NDUFS2: variants seen among roughly 807,000 people sequenced by gnomAD.
The protein encoded by NDUFS2 is NADH dehydrogenase [ubiquinone] iron-sulfur protein 2, mitochondrial.
A neutral mutation model predicts 69.6 loss-of-function variants in NDUFS2; 38 were observed. The ratio of observed to expected loss-of-function variants is 0.55; its 90% CI spans 0.42 to 0.72. NDUFS2 has a LOEUF of 0.72. Among genes scored for constraint, NDUFS2 ranks in the 30% least tolerant of loss-of-function variants. NDUFS2 has a pLI of 0.00. For missense variants in NDUFS2, 468 were observed against 595.0 expected, an observed-to-expected ratio of 0.79 and a Z score of 2.22; for synonymous variants, 194 against 211.2, an observed-to-expected ratio of 0.92 and a Z score of 0.70.
Position 161,203,472 on chromosome 1 carries a change from C to T in NDUFS2, c.131C>T (p.Ala44Val). The T allele has an allele frequency of 6.2e-7, 1 of 1,614,114 alleles. No individual in the cohort carries two copies. The highest frequency in any genetic ancestry group is 8.5e-7 in the Non-Finnish European group (1 of 1,180,018). ...CAGTGGCAGCCAGATGTGGAATGGG[C>T]ACAGCAGTTTGGGGGAGCTGTTATG... ...VRQWQPDVEW[A>V]QQFGGAVMYP... Residue 44 changes from alanine to valine, a missense_variant, in exon 2 of 14, where the codon GCA (alanine) becomes GTA (valine). Coordinates refer to ENST00000676972, the MANE Select transcript of NDUFS2 (RefSeq NM_001377299.1).
chr1:161,199,712 A>T (rs2102022528), upstream of NDUFS2, among the ~76,000 whole-genome samples: 1 of 152,220 alleles, frequency 6.6e-6, no homozygotes, highest in Admixed American at 6.5e-5. Flanking sequence ...GCGGCAGATG[A>T]CAAGGCAGGA....
In NDUFS2 at chr1:161,214,174, T is replaced by A. The variant is rs921322797; in HGVS notation, c.1373T>A (p.Phe458Tyr). 1 of 1,613,912 alleles carries A rather than the reference T, an allele frequency of 6.2e-7. No homozygotes were observed. The highest frequency in any genetic ancestry group is 1.7e-5 in the Admixed American group (1 of 60,008). Residue 458 changes from phenylalanine (F) to tyrosine (Y), a missense_variant, in exon 14 of 14, where the codon TTT (phenylalanine) becomes TAT (tyrosine). Phe to Tyr is a conservative substitution (Grantham distance 22). Around this residue, in one of 3 missense-constraint regions of NDUFS2, gnomAD observed 72 missense variants for 118.9 expected, o/e 0.61. Transcript: ENST00000676972. ...CACCTAGGTACCCAAGATATTGTAT[T>A]TGGAGAAGTAGATCGGTGAGCAGGG... ...VAIIGTQDIV[F>Y]GEVDR
chr1:161,198,953 T>C, upstream of NDUFS2: 1 of 297,822 alleles, frequency 3.4e-6, no homozygotes, highest in Non-Finnish European at 6.2e-6. The surrounding 1 kb of genome is among the most constrained non-coding windows in gnomAD (Gnocchi z 4.7). Flanking sequence ...CTTCTGTGCC[T>C]GCCCTGTCTC....
At chr1:161,214,042 C>T (rs969243938) in intron 13 of NDUFS2, 114 bp from the exon 14 acceptor site, 12 of 1,613,330 alleles carry the variant, frequency 7.4e-6, no homozygotes, top group Non-Finnish European at 1.0e-5. Flanking sequence ...GGTCCTCAAT[C>T]TTTTGAGCAC....
At chr1:161,198,886 G>C (rs1349677992), upstream of NDUFS2, 1 of 435,760 alleles carries the variant, frequency 2.3e-6, no homozygotes, top group Non-Finnish European at 4.1e-6. The surrounding 1 kb of genome is among the most constrained non-coding windows in gnomAD (Gnocchi z 4.7). Flanking sequence ...GTCTCTCCCT[G>C]CCTGTGTCTT....
intron 10 of NDUFS2, chr1:161,212,745 G>A: frequency 2.7e-6 from 1 of 377,048 alleles, no homozygotes; most frequent in Non-Finnish European, 5.1e-6. Context: ...ATTCAGTAGA[G>A]ACAGGGTTTC....
intron 1 of NDUFS2, 61 bp from the exon 2 acceptor site, chr1:161,203,376 G>T: frequency 7.0e-7 from 1 of 1,428,284 alleles, no homozygotes; most frequent in Non-Finnish European, 9.9e-7. Context: ...AGAGTGAATG[G>T]GAACACAGGA....
chr1:161,207,506 C>G (rs1665530255), intron 3 of NDUFS2, among the ~76,000 whole-genome samples: 1 of 152,138 alleles, frequency 6.6e-6, no homozygotes, highest in Admixed American at 6.5e-5. Context: ...GTAATCCCAG[C>G]ACTTTGGGAG....
At chr1:161,209,618 G>T in intron 5 of NDUFS2, 23 bp downstream of exon 5, 1 of 1,574,896 alleles carries the variant, frequency 6.3e-7, no homozygotes. Flanking sequence ...GGAAAGGATA[G>T]GAATAGGGAA....
chr1:161,201,886 C>T (rs1665144465), upstream of NDUFS2, among the ~76,000 whole-genome samples: 1 of 152,218 alleles, frequency 6.6e-6, no homozygotes, highest in African/African-American at 2.4e-5. Flanking sequence ...CAATTTATGA[C>T]ATCTGGAAAT....
intron 9 of NDUFS2, 52 bp downstream of exon 9, chr1:161,210,762 C>T (rs1665728507): frequency 6.2e-7 from 1 of 1,612,794 alleles, no homozygotes. Context: ...TCCCCTGCCT[C>T]ACTCTTCTCT....
upstream of NDUFS2, chr1:161,198,028 A>T (rs1383770322): frequency 1.2e-5 from 19 of 1,583,788 alleles, no homozygotes; most frequent in Non-Finnish European, 1.5e-5. The surrounding 1 kb of genome is among the most constrained non-coding windows in gnomAD (Gnocchi z 4.7). Context: ...TGGGGCTTCC[A>T]AGAGGAGCCT....
At chr1:161,201,739 G>A (rs927443204), upstream of NDUFS2, among the ~76,000 whole-genome samples, 1 of 152,166 alleles carries the variant, frequency 6.6e-6, no homozygotes, top group Non-Finnish European at 1.5e-5. Context: ...CATCTGGGAT[G>A]AGGTGGCTCC....
chr1:161,203,715 C>A, intron 2 of NDUFS2, 172 bp downstream of exon 2: 2 of 667,138 alleles, frequency 3.0e-6, no homozygotes, highest in Non-Finnish European at 5.4e-6. Flanking sequence ...TCTGTCTCAG[C>A]CTCCCCAGAA....
intron 3 of NDUFS2, among the ~76,000 whole-genome samples, chr1:161,207,930 C>G (rs1665562129): frequency 6.7e-6 from 1 of 149,284 alleles, no homozygotes; most frequent in African/African-American, 2.5e-5. Flanking sequence ...CTGTTTCAGC[C>G]CCCAGAGTAG....
chr1:161,214,353 G>A lies in NDUFS2; in HGVS notation c.*160G>A. 1 of 755,406 alleles carries A rather than the reference G, an allele frequency of 1.3e-6. No individual in the cohort carries two copies. The highest frequency in any genetic ancestry group is 2.7e-5 in the East Asian group (1 of 36,646). 46.8% of individuals were successfully genotyped at this position (755,406 alleles called of 1,614,324 possible). A position where few individuals can be genotyped will look rare whatever the true frequency, so the allele number is the denominator to read the frequency against. The stretch of plus-strand genomic sequence containing the variant: ...TTTCTGTGCATGTACTAAAAAAGGA[G>A]AAATTATAATAAATTAGCCGTCTTG... On this transcript the variant is annotated 3_prime_UTR_variant, in exon 14 of 14. Transcript: ENST00000676972.
chr1:161,209,936 G>C lies in NDUFS2; in HGVS notation c.702+5G>C, dbSNP rs1665680216. ...CGGCCAGGAGGAGTGCACCAGGTGAGCAGGTCCCCGGCTTCCCCAAATGTC... is the reference window on the plus strand; with the variant it reads ...CGGCCAGGAGGAGTGCACCAGGTGACCAGGTCCCCGGCTTCCCCAAATGTC... On this transcript the variant is annotated splice_donor_5th_base_variant and intron_variant, in intron 6 of 13. Transcript: ENST00000676972. 1.2e-6 allele frequency: 2 copies of C among 1,614,010 alleles called. No homozygotes were observed. Among genetic ancestry groups the C allele is most frequent in the Non-Finnish European group, 8.5e-7 (1 of 1,179,992 alleles).
chr1:161,201,100 C>T (rs1665096586), upstream of NDUFS2, among the ~76,000 whole-genome samples: 1 of 152,206 alleles, frequency 6.6e-6, no homozygotes, highest in Non-Finnish European at 1.5e-5. Context: ...AGGGAAAGAG[C>T]AAGGAATGAG....
At chr1:161,210,559 AGT>A in intron 8 of NDUFS2, 30 bp from the exon 9 acceptor site, 1 of 1,614,018 alleles carries the variant, frequency 6.2e-7, no homozygotes, top group South Asian at 1.1e-5. Context: ...GTTTGTGGAG[AGT>A]GGCCCTTATT....
Sources: allele counts gnomAD v4.1 joint callset (sites outside exome capture counted in the v4.1 genomes callset), GRCh38; gene constraint gnomAD v4.1.1; regional missense constraint gnomAD v4.1.1; non-coding constraint Gnocchi (gnomAD v3.1); transcripts MANE v1.5; gene names NCBI Gene and HGNC (gene_info 2026-07-23, HGNC 2026-07-21).